Variants in NDUFA9 observed in about 807,000 individuals in gnomAD.
NDUFA9 encodes the protein NADH dehydrogenase [ubiquinone] 1 alpha subcomplex subunit 9, mitochondrial.
Under a neutral mutation model 45.9 loss-of-function variants are expected in NDUFA9, and 23 were observed. The observed-to-expected ratio is 0.50, with a 90% confidence interval of 0.36 to 0.71. The LOEUF is 0.71. Ranked by LOEUF, NDUFA9 falls within the 30% of genes least tolerant of loss-of-function variation. NDUFA9 has a pLI of 0.00. For synonymous variants in NDUFA9, 176 were observed against 170.5 expected (o/e 1.03, Z -0.25); for missense variants, 466 against 488.2 (o/e 0.95, Z 0.43).
At chr12:4,662,191 A>G (rs1192618318) in intron 5 of NDUFA9, among the ~76,000 whole-genome samples, 1 of 152,210 alleles carries the variant, frequency 6.6e-6, no homozygotes, top group East Asian at 1.9e-4. Flanking sequence ...TCCTTTTTCT[A>G]ACAGGCTGCT....
At position 4,657,782 on chromosome 12, in the gene NDUFA9, G is replaced by A. The variant is rs569521663; in HGVS notation, c.353G>A (p.Arg118Gln). ...WDARDKDSIR[R>Q]VVQHSNVVIN... ...GCGAGAGATAAAGATTCTATCCGAC[G>A]AGTAGTACAACACAGCAATGTGGTC... Residue 118 changes from arginine (R) to glutamine (Q), a missense_variant, in exon 4 of 11, where the codon CGA becomes CAA. Physicochemically the swap from Arg to Gln is conservative, Grantham distance 43. Coordinates refer to ENST00000266544, the MANE Select transcript of NDUFA9 (RefSeq NM_005002.5). 3 of 1,613,702 alleles carry A rather than the reference G, an allele frequency of 1.9e-6. No individual in the cohort carries two copies. Among genetic ancestry groups the A allele is most frequent in the South Asian group, 2.2e-5 (2 of 91,076 alleles).
intron 8 of NDUFA9, among the ~76,000 whole-genome samples, chr12:4,677,839 G>A (rs995912235): frequency 3.3e-5 from 5 of 152,126 alleles, no homozygotes; most frequent in South Asian, 4.1e-4. Flanking sequence ...ACATGCACAC[G>A]TATGTTTATT....
chr12:4,691,519 C>T lies in NDUFA9; in HGVS notation c.*4411C>T, dbSNP rs1946018457. 6.6e-6 allele frequency: 1 copy of T among 152,102 alleles called. No homozygotes were observed. The highest frequency in any genetic ancestry group is 1.5e-5 in the Non-Finnish European group (1 of 68,026). The allele number at this position is 152,102 out of a possible 1,614,324, so 9.4% of individuals were successfully genotyped here. On this transcript the variant is annotated 3_prime_UTR_variant, in exon 11 of 11. Coordinates refer to ENST00000266544, the MANE Select transcript of NDUFA9 (RefSeq NM_005002.5). ...AAGGATGCTCAGGAGGAAGACATTC[C>T]CAGAGTTACACTCTAGAAGGTCTTG...
chr12:4,670,051 CT>C (rs1297491431), intron 8 of NDUFA9, among the ~76,000 whole-genome samples: 3 of 152,076 alleles, frequency 2.0e-5, no homozygotes, highest in Non-Finnish European at 4.4e-5. Flanking sequence ...TCCAGTGACC[CT>C]TAGGGATGGT....
intron 6 of NDUFA9, among the ~76,000 whole-genome samples, chr12:4,663,656 C>T (rs184414074): frequency 6.6e-5 from 10 of 152,274 alleles, no homozygotes; most frequent in Non-Finnish European, 8.8e-5. Flanking sequence ...TTGCCAGCCT[C>T]CAGAACTGTG....
In NDUFA9 at chr12:4,691,495, A is replaced by G. The variant is rs887132750; in HGVS notation, c.*4387A>G. The G allele has an allele frequency of 4.6e-5, 7 of 152,200 alleles. No homozygotes were observed. Among genetic ancestry groups the G allele is most frequent in the African/African-American group, 1.7e-4 (7 of 41,436 alleles). The allele number at this position is 152,200 out of a possible 1,614,324, so 9.4% of individuals were successfully genotyped here. Reference sequence around the variant, plus strand: ...GATGCCTTGTTCCAGAAAGGATTTAAGGATGCTCAGGAGGAAGACATTCCC... The same window carrying G: ...GATGCCTTGTTCCAGAAAGGATTTAGGGATGCTCAGGAGGAAGACATTCCC... On this transcript the variant is annotated 3_prime_UTR_variant, in exon 11 of 11. Coordinates refer to ENST00000266544, the MANE Select transcript of NDUFA9 (RefSeq NM_005002.5).
chr12:4,662,776 A>G lies in NDUFA9; in HGVS notation c.655+141A>G, dbSNP rs189887678. ...TTGCCTTTTCCTCCCCTAAGTTTAT[A>G]TTTTCATAGTCAATGTAGTCTTTGT... On this transcript the variant is annotated intron_variant, in intron 6 of 10. Coordinates refer to ENST00000266544, the MANE Select transcript of NDUFA9 (RefSeq NM_005002.5). 2.8e-4 allele frequency: 167 copies of G among 588,220 alleles called. No homozygotes were observed. In the Admixed American group the frequency reaches 5.2e-3, roughly 18 times the overall value. 36.4% of individuals were successfully genotyped at this position (588,220 alleles called of 1,614,324 possible). A position where few individuals can be genotyped will look rare whatever the true frequency, so the allele number is the denominator to read the frequency against.
chr12:4,685,285 G>A lies in NDUFA9; in HGVS notation c.923G>A (p.Ser308Asn), dbSNP rs1260535458. 1 of 1,613,948 alleles carries A rather than the reference G, an allele frequency of 6.2e-7. No homozygotes were observed. The highest frequency in any genetic ancestry group is 8.5e-7 in the Non-Finnish European group (1 of 1,179,938). Residue 308 changes from serine (S) to asparagine (N), a missense_variant, in exon 10 of 11, where the codon AGC becomes AAC. Transcript: ENST00000266544. Reference sequence around the variant, plus strand: ...TGGGTAGCAAGAGTCTTTGAAATAAGCCCATTTGAGCCCTGGATAACAAGG... The same window carrying A: ...TGGGTAGCAAGAGTCTTTGAAATAAACCCATTTGAGCCCTGGATAACAAGG... Reference protein sequence around the residue: ...YRWVARVFEISPFEPWITRDK... With the variant: ...YRWVARVFEINPFEPWITRDK...
In NDUFA9 at chr12:4,687,919, C is replaced by G. The variant is rs1945997635; in HGVS notation, c.*811C>G. ...GTGGTGAAGCCAACATACCACCATC[C>G]TAGGTGACCCAGGGTTGGTCATTGT... On this transcript the variant is annotated 3_prime_UTR_variant, in exon 11 of 11. Transcript: ENST00000266544. 2 of 152,182 alleles carry G rather than the reference C, an allele frequency of 1.3e-5. No individual in the cohort carries two copies. The highest frequency in any genetic ancestry group is 1.3e-4 in the Admixed American group (2 of 15,284). The allele number at this position is 152,182 out of a possible 1,614,324, so 9.4% of individuals were successfully genotyped here. A position where few individuals can be genotyped will look rare whatever the true frequency, so the allele number is the denominator to read the frequency against.
At chr12:4,649,201 C>G (rs753202803) in intron 1 of NDUFA9, 26 bp downstream of exon 1, 1 of 1,594,458 alleles carries the variant, frequency 6.3e-7, no homozygotes, top group South Asian at 1.1e-5. Context: ...AACGGCGGCC[C>G]CTGGTCGGGA....
intron 7 of NDUFA9, 97 bp from the exon 8 acceptor site, chr12:4,669,644 C>T: frequency 3.9e-6 from 3 of 766,798 alleles, no homozygotes; most frequent in South Asian, 1.8e-5. Context: ...TCCTTCCTTC[C>T]TTCCTTTTTC....
chr12:4,684,545 G>A (rs1042012117), intron 9 of NDUFA9, among the ~76,000 whole-genome samples: 23 of 152,158 alleles, frequency 1.5e-4, no homozygotes, highest in African/African-American at 4.8e-4. Flanking sequence ...TGAAGTGGGA[G>A]GATCACTTGA....
chr12:4,670,291 A>G (rs1057076756), intron 8 of NDUFA9, among the ~76,000 whole-genome samples: 1 of 152,172 alleles, frequency 6.6e-6, no homozygotes, highest in South Asian at 2.1e-4. Flanking sequence ...TTGCTTTCAG[A>G]AAAAAGGGGT....
At position 4,682,206 on chromosome 12, in the gene NDUFA9, C is replaced by T. The variant is rs183021078; in HGVS notation, c.802C>T (p.Pro268Ser). The T allele has an allele frequency of 6.2e-7, 1 of 1,605,978 alleles. No individual in the cohort carries two copies. The highest frequency in any genetic ancestry group is 2.2e-5 in the East Asian group (1 of 44,732). ...ANGKSFAFVG[P>S]SRYLLFHLVK... Reference sequence around the variant, plus strand: ...GAACTGTGTATTGTCTTTTTATAGTCCCAGTCGGTACCTCCTTTTCCACCT... The same window carrying T: ...GAACTGTGTATTGTCTTTTTATAGTTCCAGTCGGTACCTCCTTTTCCACCT... Residue 268 changes from proline (P) to serine (S), a missense_variant and splice_region_variant, in exon 9 of 11, where the codon CCC becomes TCC. By Grantham distance (74) the Pro-to-Ser change is moderately conservative (BLOSUM62 -1). Transcript: ENST00000266544.
At chr12:4,654,194 A>G (rs1017963381) in intron 1 of NDUFA9, 98 bp from the exon 2 acceptor site, 16 of 1,212,040 alleles carry the variant, frequency 1.3e-5, no homozygotes, top group Non-Finnish European at 1.6e-5. Flanking sequence ...TGATTGCAAA[A>G]TAATGTTACA....
chr12:4,664,187 A>G (rs2267551), intron 6 of NDUFA9, among the ~76,000 whole-genome samples: 32,267 of 152,202 alleles, frequency 0.21, 3,861 homozygotes, highest in South Asian at 0.47. Context: ...CCATATTGCA[A>G]AAAATGAGAA....
rs181729381 is a variant in NDUFA9, at chr12:4,693,875, A to T, written c.*6767A>T. ...TCTAGTTTCCCCTCGACATTTTATA[A>T]CTGAATAAACAATAAAAAACAAGAG... On this transcript the variant is annotated 3_prime_UTR_variant, in exon 11 of 11. Transcript: ENST00000266544. The T allele has an allele frequency of 4.6e-5, 7 of 152,324 alleles. No homozygotes were observed. In the East Asian group the frequency reaches 1.3e-3, roughly 29 times the overall value. 9.4% of individuals were successfully genotyped at this position (152,324 alleles called of 1,614,324 possible).
intron 4 of NDUFA9, 80 bp downstream of exon 4, chr12:4,657,919 G>GC: frequency 2.8e-6 from 3 of 1,075,292 alleles, no homozygotes; most frequent in Non-Finnish European, 2.9e-6. Flanking sequence ...CCTTTTATGT[G>GC]CCAGCTATCA....
chr12:4,692,499 T>G lies in NDUFA9; in HGVS notation c.*5391T>G, dbSNP rs556876292. 4 of 152,320 alleles carry G rather than the reference T, an allele frequency of 2.6e-5. No individual in the cohort carries two copies. Among genetic ancestry groups the G allele is most frequent in the Admixed American group, 2.0e-4 (3 of 15,308 alleles). The allele number at this position is 152,320 out of a possible 1,614,324, so 9.4% of individuals were successfully genotyped here. A position where few individuals can be genotyped will look rare whatever the true frequency, so the allele number is the denominator to read the frequency against. ...CATGAGCCAATTAAACCTCTTTTCTTTATACATTACCTAGACTCAGATATT... is the reference window on the plus strand; with the variant it reads ...CATGAGCCAATTAAACCTCTTTTCTGTATACATTACCTAGACTCAGATATT... On this transcript the variant is annotated 3_prime_UTR_variant, in exon 11 of 11. Coordinates refer to ENST00000266544, the MANE Select transcript of NDUFA9 (RefSeq NM_005002.5).
Sources: gnomAD v4.1 joint callset for allele counts (sites outside exome capture counted in the v4.1 genomes callset) on GRCh38, gnomAD v4.1.1 for gene constraint, MANE v1.5 for transcripts, NCBI Gene and HGNC (gene_info 2026-07-23, HGNC 2026-07-21) for gene names.